Variants in CEP128 observed in about 807,000 individuals in gnomAD.
CEP128 encodes centrosomal protein 128kDa.
Under a neutral mutation model 156.7 loss-of-function variants are expected in CEP128, and 132 were observed. The observed-to-expected ratio is 0.84, with a 90% CI of 0.73 to 0.97. The LOEUF (loss-of-function observed/expected upper bound fraction) is 0.97. Among genes scored for constraint, CEP128 ranks in the 50% least tolerant of loss-of-function variants. The pLI is 0.00. For missense variants in CEP128, 1,252 were observed against 1,281.9 expected, an observed-to-expected ratio of 0.98 and a Z score of 0.36; for synonymous variants, 469 against 448.9, an observed-to-expected ratio of 1.04 and a Z score of -0.57.
intron 19 of CEP128, among the ~76,000 whole-genome samples, chr14:80,621,427 A>G (rs1475430068): frequency 2.0e-5 from 3 of 152,202 alleles, no homozygotes; most frequent in Admixed American, 2.0e-4. Context: ...CAAAAGCTAT[A>G]TATAACAAAA....
At chr14:80,795,472 T>G (rs1345446982) in intron 13 of CEP128, among the ~76,000 whole-genome samples, 2 of 152,182 alleles carry the variant, frequency 1.3e-5, no homozygotes, top group East Asian at 3.9e-4. Context: ...AGACTCCCTC[T>G]TTAAACTGTT....
intron 7 of CEP128, among the ~76,000 whole-genome samples, 176 bp downstream of exon 7, chr14:80,899,762 C>G (rs949453642): frequency 1.1e-4 from 16 of 152,296 alleles, no homozygotes; most frequent in African/African-American, 3.6e-4. Flanking sequence ...TTGTCTAACA[C>G]TGAGTCATGA....
At chr14:80,560,781 G>T (rs976067795) in intron 20 of CEP128, among the ~76,000 whole-genome samples, 1 of 152,084 alleles carries the variant, frequency 6.6e-6, no homozygotes, top group Non-Finnish European at 1.5e-5. Context: ...AACACTGTAC[G>T]CCACGTTCTT....
intron 13 of CEP128, among the ~76,000 whole-genome samples, chr14:80,816,960 TAAA>T (rs34406388): frequency 9.0e-5 from 13 of 144,308 alleles, no homozygotes; most frequent in Non-Finnish European, 1.2e-4. Context: ...CGTTATTGTT[TAAA>T]AAAAAAAAAA....
intron 19 of CEP128, among the ~76,000 whole-genome samples, chr14:80,694,485 G>C (rs1014548804): frequency 3.3e-5 from 5 of 152,076 alleles, no homozygotes; most frequent in Non-Finnish European, 7.4e-5. Flanking sequence ...CAATAGCAAA[G>C]ACCTGGAACC....
chr14:80,862,683 A>T, intron 9 of CEP128, 74 bp downstream of exon 9: 2 of 963,450 alleles, frequency 2.1e-6, no homozygotes, highest in Non-Finnish European at 3.4e-6. Context: ...TGTCACATGC[A>T]ATAACCATTT....
chr14:80,657,440 T>A (rs1316362825), intron 19 of CEP128, among the ~76,000 whole-genome samples: 4 of 151,736 alleles, frequency 2.6e-5, no homozygotes, highest in African/African-American at 9.7e-5. Flanking sequence ...TCACCTAAGG[T>A]CAGGAGTTCC....
intron 4 of CEP128, among the ~76,000 whole-genome samples, chr14:80,913,254 T>C (rs937689365): frequency 3.3e-5 from 5 of 152,272 alleles, no homozygotes; most frequent in East Asian, 1.9e-4. Flanking sequence ...TGTACAATAA[T>C]GGTCACTGCT....
downstream of CEP128, among the ~76,000 whole-genome samples, chr14:80,486,430 G>C (rs1887167198): frequency 6.6e-6 from 1 of 152,094 alleles, no homozygotes; most frequent in Non-Finnish European, 1.5e-5. Flanking sequence ...ATGGAACCAA[G>C]TTGGAAAACA....
intron 2 of CEP128, among the ~76,000 whole-genome samples, chr14:80,920,100 T>C (rs571371482): frequency 3.1e-4 from 47 of 152,362 alleles, no homozygotes; most frequent in African/African-American, 9.6e-4. Flanking sequence ...ATTATTTACA[T>C]TGTTGATAAA....
At chr14:80,696,616 G>A (rs1008379190) in intron 19 of CEP128, among the ~76,000 whole-genome samples, 3 of 152,158 alleles carry the variant, frequency 2.0e-5, no homozygotes, top group African/African-American at 4.8e-5. Flanking sequence ...GCTATCAAGT[G>A]TTACAGAGAA....
At chr14:80,931,798 C>T (rs928633318) in intron 2 of CEP128, among the ~76,000 whole-genome samples, 1 of 152,214 alleles carries the variant, frequency 6.6e-6, no homozygotes, top group African/African-American at 2.4e-5. Context: ...GGATTTTTGA[C>T]ATGTTTCAAA....
intron 14 of CEP128, among the ~76,000 whole-genome samples, chr14:80,482,018 A>G (rs1887063481): frequency 6.6e-6 from 1 of 152,260 alleles, no homozygotes; most frequent in African/African-American, 2.4e-5. Context: ...CAAGGGACAA[A>G]GAGAGTTAAA....
chr14:80,522,473 T>C (rs1888789365), intron 23 of CEP128, among the ~76,000 whole-genome samples: 1 of 152,210 alleles, frequency 6.6e-6, no homozygotes, highest in South Asian at 2.1e-4. Flanking sequence ...TCTTATCCCG[T>C]AAAACATCTG....
chr14:80,836,976 T>C (rs750938910), intron 11 of CEP128, among the ~76,000 whole-genome samples: 1 of 152,196 alleles, frequency 6.6e-6, no homozygotes, highest in African/African-American at 2.4e-5. Flanking sequence ...AAACTGGAGA[T>C]TATAAGTTAG....
At chr14:80,585,539 C>T (rs1459456652) in intron 19 of CEP128, among the ~76,000 whole-genome samples, 1 of 152,156 alleles carries the variant, frequency 6.6e-6, no homozygotes, top group African/African-American at 2.4e-5. Flanking sequence ...AATGCCTCAT[C>T]CATATTACAA....
chr14:80,871,046 TA>T (rs1012647406), intron 8 of CEP128, among the ~76,000 whole-genome samples: 1 of 144,646 alleles, frequency 6.9e-6, no homozygotes, highest in Non-Finnish European at 1.5e-5. Context: ...ACTCTGAAAA[TA>T]AAAAAAATTA....
intron 13 of CEP128, among the ~76,000 whole-genome samples, chr14:80,827,730 T>C (rs185832760): frequency 2.6e-5 from 4 of 151,870 alleles, no homozygotes; most frequent in African/African-American, 9.7e-5. Flanking sequence ...CATTAAGCAA[T>C]TTTTTGGTTA....
At chr14:80,632,642 G>A (rs983067589) in intron 19 of CEP128, among the ~76,000 whole-genome samples, 8 of 151,370 alleles carry the variant, frequency 5.3e-5, no homozygotes, top group Non-Finnish European at 8.8e-5. Flanking sequence ...ATTCTGCTCT[G>A]TGAATATATC....
Sources: gnomAD v4.1 joint callset for allele counts (sites outside exome capture counted in the v4.1 genomes callset) on GRCh38, gnomAD v4.1.1 for gene constraint, MANE v1.5 for transcripts, NCBI Gene and HGNC (gene_info 2026-07-23, HGNC 2026-07-21) for gene names.